JPH3: variants seen among roughly 807,000 people sequenced by gnomAD.
JPH3 encodes the protein junctophilin 3.
Under a neutral mutation model 59.6 loss-of-function variants are expected in JPH3, and 11 were observed. The observed-to-expected ratio is 0.18, with a 90% CI of 0.12 to 0.31. JPH3 has a LOEUF of 0.31. JPH3 is among the 10% of genes least tolerant of loss of function. JPH3 has a pLI of 1.00. For synonymous variants in JPH3, 673 were observed against 483.6 expected (o/e 1.39, Z -5.14); for missense variants, 1,202 against 1,105.7 (o/e 1.09, Z -1.24).
At chr16:87,621,479 C>T (rs1883968119) in intron 1 of JPH3, among the ~76,000 whole-genome samples, 1 of 152,216 alleles carries the variant, frequency 6.6e-6, no homozygotes. Flanking sequence ...TGAATCCCCA[C>T]CAGTGCCTTC....
chr16:87,634,518 C>T (rs995216443), intron 1 of JPH3, among the ~76,000 whole-genome samples: 3 of 152,226 alleles, frequency 2.0e-5, no homozygotes, highest in African/African-American at 4.8e-5. Context: ...GGCTTCTCTG[C>T]GTCCCTGCCT....
chr16:87,696,569 C>T lies in JPH3; in HGVS notation c.2167-11C>T, dbSNP rs371412217. 1 of 1,612,018 alleles carries T rather than the reference C, an allele frequency of 6.2e-7. No individual in the cohort carries two copies. Among genetic ancestry groups the T allele is most frequent in the Non-Finnish European group, 8.5e-7 (1 of 1,179,312 alleles). ...AGCTGTCGCTCACCTCTTCCCCTCGCTCTCTTCCAGGGCTCAGCGCCTATC... is the reference window on the plus strand; with the variant it reads ...AGCTGTCGCTCACCTCTTCCCCTCGTTCTCTTCCAGGGCTCAGCGCCTATC... On this transcript the variant is annotated splice_polypyrimidine_tract_variant and intron_variant, in intron 4 of 4. Transcript: ENST00000284262.
chr16:87,689,498 C>G (rs980319137), intron 3 of JPH3, 148 bp from the exon 4 acceptor site: 33 of 850,326 alleles, frequency 3.9e-5, no homozygotes, highest in Admixed American at 1.7e-4. Context: ...ACGGTCCCCA[C>G]TCCCCTCCCT....
chr16:87,680,087 C>A (rs553408065), intron 2 of JPH3, among the ~76,000 whole-genome samples: 1 of 152,384 alleles, frequency 6.6e-6, no homozygotes, highest in East Asian at 1.9e-4. Context: ...CAGCTGCCTC[C>A]CTTGCAAAGG....
chr16:87,606,943 C>T (rs2030542893), intron 1 of JPH3, among the ~76,000 whole-genome samples: 1 of 152,160 alleles, frequency 6.6e-6, no homozygotes, highest in South Asian at 2.1e-4. Flanking sequence ...TCATTTTCCA[C>T]ACTGGGAAGT....
Position 87,661,288 on chromosome 16 carries a change from C to A in JPH3, c.1160+16253C>A, listed in dbSNP as rs915616094. Among the ~76,000 whole-genome samples the A allele has an allele frequency of 3.3e-5, 5 of 152,330 alleles. No individual in the cohort carries two copies. The South Asian group carries it at 6.2e-4, about 19-fold the overall frequency. ...ATAATCCAGGGTCATCTCTCTCTTT[C>A]CTGATCCTTAACTCAGTCATATCTG... On this transcript the variant is annotated intron_variant, in intron 2 of 4. Coordinates refer to ENST00000284262, the MANE Select transcript of JPH3 (RefSeq NM_020655.4).
intron 1 of JPH3, among the ~76,000 whole-genome samples, chr16:87,630,848 C>T (rs1374882512): frequency 6.6e-6 from 1 of 152,172 alleles, no homozygotes. Context: ...GACCCCCATT[C>T]TCCCCACTCC....
intron 4 of JPH3, among the ~76,000 whole-genome samples, chr16:87,692,985 G>A (rs1430865047): frequency 6.6e-6 from 1 of 152,240 alleles, no homozygotes; most frequent in African/African-American, 2.4e-5. Flanking sequence ...CTTTGCACCA[G>A]GGGTGGCATC....
At chr16:87,637,879 G>T (rs1418049767) in intron 1 of JPH3, among the ~76,000 whole-genome samples, 1 of 152,116 alleles carries the variant, frequency 6.6e-6, no homozygotes, top group Non-Finnish European at 1.5e-5. Context: ...CTGGTGTTCT[G>T]TGTTGTCAGA....
intron 2 of JPH3, among the ~76,000 whole-genome samples, chr16:87,662,503 C>T (rs987799948): frequency 1.3e-5 from 2 of 151,868 alleles, no homozygotes; most frequent in African/African-American, 4.8e-5. Flanking sequence ...GGTGTAGTGT[C>T]CTGATTTGTT....
chr16:87,623,000 G>T (rs1469109766), intron 1 of JPH3, among the ~76,000 whole-genome samples: 2 of 152,160 alleles, frequency 1.3e-5, no homozygotes, highest in Non-Finnish European at 2.9e-5. Flanking sequence ...TTCAGAGGGG[G>T]ACCTGGTGGA....
upstream of JPH3, chr16:87,602,279 C>T (rs1459404884): frequency 6.7e-6 from 1 of 148,962 alleles, no homozygotes; most frequent in African/African-American, 2.5e-5. Context: ...GGTTTCCAGT[C>T]CGGCGGGGGC....
intron 2 of JPH3, among the ~76,000 whole-genome samples, chr16:87,681,267 C>A (rs1236158071): frequency 6.9e-6 from 1 of 144,222 alleles, no homozygotes; most frequent in Admixed American, 7.0e-5. Context: ...CACGTGCGCG[C>A]GGTCGTGACA....
chr16:87,695,923 G>C (rs1363926828), intron 4 of JPH3: 1 of 456,090 alleles, frequency 2.2e-6, no homozygotes, highest in Admixed American at 2.3e-5. Flanking sequence ...CTCCGGCGGA[G>C]GCTGAGGACT....
chr16:87,614,445 G>A (rs1446380565), intron 1 of JPH3, among the ~76,000 whole-genome samples: 9 of 151,690 alleles, frequency 5.9e-5, no homozygotes, highest in African/African-American at 1.5e-4. Flanking sequence ...GGAGCTGTGC[G>A]TCCCCTCCCA....
chr16:87,675,558 G>A (rs987321364), intron 2 of JPH3, among the ~76,000 whole-genome samples: 4 of 152,232 alleles, frequency 2.6e-5, no homozygotes, highest in African/African-American at 4.8e-5. Flanking sequence ...CAGTGGCACA[G>A]CCGTGCTGTG....
At chr16:87,667,860 A>T (rs919375282) in intron 2 of JPH3, among the ~76,000 whole-genome samples, 6 of 151,964 alleles carry the variant, frequency 3.9e-5, no homozygotes, top group Non-Finnish European at 8.8e-5. Context: ...ACCCCTTTAA[A>T]ATGCAAAACC....
At chr16:87,673,299 C>G (rs1048205992) in intron 2 of JPH3, among the ~76,000 whole-genome samples, 4 of 139,814 alleles carry the variant, frequency 2.9e-5, no homozygotes, top group African/African-American at 1.1e-4. Context: ...CTGGGTTTCA[C>G]TTGTCTTGGG....
At chr16:87,632,156 A>G (rs903182812) in intron 1 of JPH3, among the ~76,000 whole-genome samples, 10 of 152,148 alleles carry the variant, frequency 6.6e-5, no homozygotes, top group Non-Finnish European at 1.0e-4. Context: ...TTTTCAGAGG[A>G]ATTTTCCACC....
Sources: gnomAD v4.1 joint callset for allele counts (sites outside exome capture counted in the v4.1 genomes callset) on GRCh38, gnomAD v4.1.1 for gene constraint, MANE v1.5 for transcripts, NCBI Gene and HGNC (gene_info 2026-07-23, HGNC 2026-07-21) for gene names.